The following ITPR1 variants were observed in gnomAD, a reference collection of about 807,000 sequenced individuals.
ITPR1 encodes inositol 1,4,5-trisphosphate receptor type 1, also known as inositol 1,4,5-trisphosphate-gated calcium channel ITPR1.
A neutral mutation model predicts 318.4 loss-of-function variants in ITPR1; 96 were observed. The ratio of observed to expected loss-of-function variants is 0.30; its 90% CI spans 0.26 to 0.36. The LOEUF (loss-of-function observed/expected upper bound fraction) is 0.36, where lower values mean the gene tolerates loss of function less well. ITPR1 is among the 10% of genes least tolerant of loss of function. The pLI is 1.00. For missense variants in ITPR1, 2,440 were observed against 3,460.2 expected (o/e 0.71, Z 7.40); for synonymous variants, 1,312 against 1,289.9 (o/e 1.02, Z -0.37).
At chr3:4,532,142 A>G (rs532383807) in intron 4 of ITPR1, among the ~76,000 whole-genome samples, 1 of 152,142 alleles carries the variant, frequency 6.6e-6, no homozygotes, top group South Asian at 2.1e-4. Flanking sequence ...CCCCTATTGC[A>G]TTAACTGTGA....
At chr3:4,738,915 C>T (rs2043492004) in intron 44 of ITPR1, among the ~76,000 whole-genome samples, 2 of 151,828 alleles carry the variant, frequency 1.3e-5, no homozygotes, top group Admixed American at 1.3e-4. Context: ...GGTGTGGCCG[C>T]ACGCACATGC....
intron 20 of ITPR1, among the ~76,000 whole-genome samples, chr3:4,671,945 C>A (rs1350147586): frequency 6.6e-6 from 1 of 152,168 alleles, no homozygotes; most frequent in Non-Finnish European, 1.5e-5. Flanking sequence ...AAATACCATT[C>A]TAAAACTTGC....
intron 4 of ITPR1, among the ~76,000 whole-genome samples, chr3:4,594,996 G>A (rs995648458): frequency 4.6e-5 from 7 of 152,048 alleles, no homozygotes; most frequent in African/African-American, 1.7e-4. Flanking sequence ...CCCTTCCTTT[G>A]TGCTCATGTT....
At chr3:4,694,939 C>T (rs760487073) in intron 33 of ITPR1, among the ~76,000 whole-genome samples, 7 of 152,270 alleles carry the variant, frequency 4.6e-5, no homozygotes, top group African/African-American at 1.7e-4. Context: ...TGCACATAAA[C>T]GCATACAGTA....
At chr3:4,558,807 C>A (rs2086387939) in intron 4 of ITPR1, among the ~76,000 whole-genome samples, 1 of 151,714 alleles carries the variant, frequency 6.6e-6, no homozygotes, top group Non-Finnish European at 1.5e-5. Context: ...CCACATTTTA[C>A]CATTTTTGTT....
intron 4 of ITPR1, among the ~76,000 whole-genome samples, chr3:4,621,192 T>C (rs2092617115): frequency 1.3e-5 from 2 of 152,172 alleles, no homozygotes; most frequent in Non-Finnish European, 1.5e-5. Flanking sequence ...AGAGGCTTAA[T>C]TGGCTTACAA....
chr3:4,611,871 G>A (rs1346698366), intron 4 of ITPR1, among the ~76,000 whole-genome samples: 1 of 152,034 alleles, frequency 6.6e-6, no homozygotes, highest in African/African-American at 2.4e-5. Context: ...AATAATTTAA[G>A]CCTATTTATG....
At chr3:4,794,733 A>G (rs2047787382) in intron 52 of ITPR1, among the ~76,000 whole-genome samples, 1 of 152,152 alleles carries the variant, frequency 6.6e-6, no homozygotes, top group Non-Finnish European at 1.5e-5. Flanking sequence ...CGAGGACTCA[A>G]TGTGTGAACT....
In ITPR1 at chr3:4,670,794, G is replaced by A; in HGVS notation, c.2072G>A (p.Gly691Glu). 6.2e-7 allele frequency: 1 copy of A among 1,608,622 alleles called. No homozygotes were observed. The highest frequency in any genetic ancestry group is 8.5e-7 in the Non-Finnish European group (1 of 1,177,300). ...SSTGENALEA[G>E]EDEEEVWLFW... ...ACTGGAGAGAATGCTCTGGAGGCAG[G>A]AGAAGACGAGGAAGAGGTGTGGCTG... Residue 691 changes from glycine to glutamate, a missense_variant, in exon 20 of 62, where the codon GGA (glycine) becomes GAA (glutamate). Gly to Glu is a moderately conservative substitution (Grantham distance 98). Transcript: ENST00000649015.
rs759816053 is a variant in ITPR1 at position 4,684,306 on chromosome 3, A to C, written c.3524A>C (p.His1175Pro). ...GAGGGAAATAACAAGCCACAAAAGC[A>C]TGAAAGCACCAGCAGCTACAACTAC... ...TEEGNNKPQK[H>P]ESTSSYNYRV... The change falls in exon 29 of 62, where the codon CAT becomes CCT. Residue 1175 changes from histidine (H) to proline (P), a missense_variant. His to Pro is a moderately conservative substitution (Grantham distance 77). Transcript: ENST00000649015. The C allele has an allele frequency of 4.3e-6, 7 of 1,613,016 alleles. No homozygotes were observed. In the Admixed American group the frequency reaches 8.3e-5, roughly 19 times the overall value.
At chr3:4,520,997 C>G (rs753169427) in intron 3 of ITPR1, 27 bp from the exon 4 acceptor site, 2 of 1,567,866 alleles carry the variant, frequency 1.3e-6, no homozygotes, top group Non-Finnish European at 1.8e-6. Flanking sequence ...ATACACTTGA[C>G]AGAGCATTTA....
chr3:4,544,126 A>G (rs898308020), intron 4 of ITPR1, among the ~76,000 whole-genome samples: 8 of 152,170 alleles, frequency 5.3e-5, no homozygotes, highest in Non-Finnish European at 8.8e-5. Flanking sequence ...ATTGGGTTTA[A>G]TGCTTATTCC....
Position 4,681,407 on chromosome 3 carries a change from C to A in ITPR1, c.3150C>A (p.Ile1050=). ...ACATTGAAGAACAAGCAGAAGGCATCTTTGGAGGAAGGAAAGTATATTTTC... is the reference window on the plus strand; with the variant it reads ...ACATTGAAGAACAAGCAGAAGGCATATTTGGAGGAAGGAAAGTATATTTTC... ...FEHIEEQAEG[I]FGGSEENTPL... The change falls in exon 26 of 62, where the codon ATC becomes ATA. Residue 1050 remains isoleucine, a synonymous_variant. Coordinates refer to ENST00000649015, the MANE Select transcript of ITPR1 (RefSeq NM_001378452.1). 6.2e-7 allele frequency: 1 copy of A among 1,611,698 alleles called. No homozygotes were observed. Among genetic ancestry groups the A allele is most frequent in the East Asian group, 2.2e-5 (1 of 44,818 alleles).
chr3:4,625,635 C>G (rs897102205), intron 4 of ITPR1, among the ~76,000 whole-genome samples: 1 of 152,084 alleles, frequency 6.6e-6, no homozygotes, highest in African/African-American at 2.4e-5. Flanking sequence ...CGGCTCACTG[C>G]AAGCTCTGCC....
intron 42 of ITPR1, among the ~76,000 whole-genome samples, chr3:4,732,304 A>T (rs920609688): frequency 2.0e-5 from 3 of 152,322 alleles, no homozygotes; most frequent in African/African-American, 4.8e-5. Context: ...TATTACAGAA[A>T]GGTTGAAATG....
chr3:4,834,934 G>A (rs543094116), intron 60 of ITPR1, among the ~76,000 whole-genome samples: 20 of 152,266 alleles, frequency 1.3e-4, no homozygotes, highest in African/African-American at 4.6e-4. Context: ...CAGCAGTCAC[G>A]ATAAGCAGCT....
Position 4,665,130 on chromosome 3 carries a change from A to G in ITPR1, c.1555-8A>G. 6.2e-7 allele frequency: 1 copy of G among 1,613,944 alleles called. No individual in the cohort carries two copies. The highest frequency in any genetic ancestry group is 1.1e-5 in the South Asian group (1 of 91,088). ...ATTGCCATTTTTGCTTTTCATTTTC[A>G]CAAACAGATCTTCAAGTTGTTACAA... On this transcript the variant is annotated splice_polypyrimidine_tract_variant and splice_region_variant and intron_variant, in intron 16 of 61. Transcript: ENST00000649015.
At chr3:4,756,960 A>G (rs925479129) in intron 44 of ITPR1, among the ~76,000 whole-genome samples, 2 of 152,240 alleles carry the variant, frequency 1.3e-5, no homozygotes, top group African/African-American at 2.4e-5. Flanking sequence ...TTTCACACCT[A>G]CTGTTTCATA....
intron 36 of ITPR1, 87 bp from the exon 37 acceptor site, chr3:4,706,080 G>A: frequency 7.0e-7 from 1 of 1,437,260 alleles, no homozygotes. Context: ...TGAAAAACCT[G>A]CTGGATGGGG....
Sources: gnomAD v4.1 joint callset for allele counts (sites outside exome capture counted in the v4.1 genomes callset) on GRCh38, gnomAD v4.1.1 for gene constraint, MANE v1.5 for transcripts, NCBI Gene and HGNC (gene_info 2026-07-23, HGNC 2026-07-21) for gene names.